BRINP3: variants seen among roughly 807,000 people sequenced by gnomAD.
BRINP3 encodes BMP/retinoic acid-inducible neural-specific protein 3.
BRINP3 carries 19 observed loss-of-function variants against 71.0 expected under a neutral mutation model. The ratio of observed to expected loss-of-function variants is 0.27; its 90% CI spans 0.19 to 0.39. The LOEUF is 0.39. Among genes scored for constraint, BRINP3 ranks in the 10% least tolerant of loss-of-function variants. The pLI is 1.00. For synonymous variants in BRINP3, 380 were observed against 337.7 expected, an observed-to-expected ratio of 1.13 and a Z score of -1.37; for missense variants, 959 against 940.8, an observed-to-expected ratio of 1.02 and a Z score of -0.25.
At chr1:190,376,289 A>G (rs1670177941) in intron 2 of BRINP3, among the ~76,000 whole-genome samples, 1 of 152,034 alleles carries the variant, frequency 6.6e-6, no homozygotes, top group Non-Finnish European at 1.5e-5. Flanking sequence ...TAGAAATTGC[A>G]TCATATCTAG....
At chr1:190,118,819 T>G (rs1189732086) in intron 7 of BRINP3, among the ~76,000 whole-genome samples, 4 of 152,172 alleles carry the variant, frequency 2.6e-5, no homozygotes, top group Admixed American at 2.0e-4. Context: ...GGAAAAAGAC[T>G]TTTTGTTTTT....
intron 6 of BRINP3, among the ~76,000 whole-genome samples, chr1:190,214,518 C>T (rs1472064840): frequency 6.6e-6 from 1 of 151,962 alleles, no homozygotes; most frequent in Non-Finnish European, 1.5e-5. Flanking sequence ...TTCAGGTTTT[C>T]TTTCAGGGAA....
chr1:190,127,445 A>G (rs1034175762), intron 7 of BRINP3, among the ~76,000 whole-genome samples: 1 of 151,906 alleles, frequency 6.6e-6, no homozygotes, highest in Non-Finnish European at 1.5e-5. Context: ...ATTTAATCAA[A>G]TGTCAGTTCT....
At chr1:190,284,981 C>A (rs1663311968) in intron 2 of BRINP3, among the ~76,000 whole-genome samples, 1 of 151,958 alleles carries the variant, frequency 6.6e-6, no homozygotes, top group African/African-American at 2.4e-5. Context: ...AATACTACAC[C>A]ATTTTGTATA....
chr1:190,234,223 G>T (rs1658295608), intron 5 of BRINP3, 149 bp downstream of exon 5: 2 of 467,838 alleles, frequency 4.3e-6, no homozygotes, highest in East Asian at 3.3e-5. Flanking sequence ...ATATTTTCTT[G>T]TATCAGTTAA....
chr1:190,231,881 A>G (rs533087327), intron 5 of BRINP3, among the ~76,000 whole-genome samples: 19 of 152,012 alleles, frequency 1.2e-4, no homozygotes, highest in African/African-American at 3.9e-4. Flanking sequence ...GACTTCAACA[A>G]TTACTGGTGC....
intron 7 of BRINP3, among the ~76,000 whole-genome samples, chr1:190,147,442 G>C (rs1162272212): frequency 6.6e-6 from 1 of 152,016 alleles, no homozygotes; most frequent in Non-Finnish European, 1.5e-5. Flanking sequence ...TTCAGAACTA[G>C]AGTTTATAAT....
rs558783532 is a variant in BRINP3 at position 190,432,462 on chromosome 1, C to T, written c.236+22193G>A. Among the ~76,000 whole-genome samples the T allele has an allele frequency of 2.6e-5, 4 of 152,228 alleles. No homozygotes were observed. The East Asian group carries it at 7.7e-4, about 29-fold the overall frequency. On this transcript the variant is annotated intron_variant, in intron 2 of 7. Transcript: ENST00000367462. ...ATATCACACAATACAAAAGTGAAAT[C>T]CATGATTTTAAATTATTAAGCTTTA... is the stretch of plus-strand genomic sequence containing the variant.
At chr1:190,233,099 T>C (rs1367051752) in intron 5 of BRINP3, among the ~76,000 whole-genome samples, 1 of 152,044 alleles carries the variant, frequency 6.6e-6, no homozygotes, top group Admixed American at 6.6e-5. Context: ...TGTTATTACA[T>C]TTTTCTTTTA....
chr1:190,163,566 G>A (rs1651211117), intron 6 of BRINP3, among the ~76,000 whole-genome samples: 1 of 151,892 alleles, frequency 6.6e-6, no homozygotes, highest in South Asian at 2.1e-4. Flanking sequence ...GGAATTTATA[G>A]TCAGTCACAG....
At chr1:190,173,476 T>C (rs1652210838) in intron 6 of BRINP3, among the ~76,000 whole-genome samples, 2 of 152,168 alleles carry the variant, frequency 1.3e-5, no homozygotes, top group South Asian at 4.1e-4. Flanking sequence ...GATACATTGG[T>C]CTTCATCTCC....
chr1:190,476,242 C>T (rs1035205624), intron 1 of BRINP3, among the ~76,000 whole-genome samples: 4 of 92,560 alleles, frequency 4.3e-5, no homozygotes, highest in Non-Finnish European at 6.9e-5. Flanking sequence ...ATAGTTATTT[C>T]CCAGAAATTA....
chr1:190,394,186 T>C (rs1558246825), intron 2 of BRINP3, among the ~76,000 whole-genome samples: 1 of 151,594 alleles, frequency 6.6e-6, no homozygotes, highest in Non-Finnish European at 1.5e-5. Context: ...TTTTTAAAAG[T>C]GTCAAGCTGT....
chr1:190,342,302 T>A (rs1314121161), intron 2 of BRINP3: 1 of 150,882 alleles, frequency 6.6e-6, no homozygotes. Flanking sequence ...ATATTCACAT[T>A]TTCAAGCATT....
intron 2 of BRINP3, among the ~76,000 whole-genome samples, chr1:190,291,954 T>G (rs1041439028): frequency 6.6e-6 from 1 of 152,170 alleles, no homozygotes; most frequent in Non-Finnish European, 1.5e-5. Flanking sequence ...GGAGTACTTA[T>G]CAGCCATAAT....
chr1:190,322,602 G>C (rs1219280424), intron 2 of BRINP3, among the ~76,000 whole-genome samples: 1 of 151,970 alleles, frequency 6.6e-6, no homozygotes, highest in Admixed American at 6.6e-5. Flanking sequence ...CCGTGAACTT[G>C]AATAAAAAAT....
At position 190,098,170 on chromosome 1, in the gene BRINP3, C is replaced by A; in HGVS notation, c.2149G>T (p.Gly717Cys). The A allele has an allele frequency of 6.2e-7, 1 of 1,614,126 alleles. No individual in the cohort carries two copies. Among genetic ancestry groups the A allele is most frequent in the Non-Finnish European group, 8.5e-7 (1 of 1,180,010 alleles). The change falls in exon 8 of 8, where the codon GGT becomes TGT. Residue 717 changes from glycine (G) to cysteine (C), a missense_variant. Physicochemically the swap from Gly to Cys is radical, Grantham distance 159. Transcript: ENST00000367462. Reference protein sequence around the residue: ...RDRVNKLSPPGQRRLDLFSCL... With the variant: ...RDRVNKLSPPCQRRLDLFSCL... Reference sequence around the variant, plus strand: ...GAGAAAAGATCTAGACGACGCTGACCAGGTGGGGAGAGTTTATTTACACGG... The same window carrying A: ...GAGAAAAGATCTAGACGACGCTGACAAGGTGGGGAGAGTTTATTTACACGG...
intron 6 of BRINP3, among the ~76,000 whole-genome samples, chr1:190,169,515 T>A (rs2102491054): frequency 6.6e-6 from 1 of 152,298 alleles, no homozygotes; most frequent in East Asian, 1.9e-4. Context: ...TGTCTTTAAA[T>A]AAATTCCTTT....
intron 2 of BRINP3, among the ~76,000 whole-genome samples, chr1:190,449,921 C>T (rs1369659565): frequency 1.3e-5 from 2 of 152,110 alleles, no homozygotes; most frequent in African/African-American, 4.8e-5. Flanking sequence ...AATATTAGTA[C>T]TCGTATATTC....
Sources: gnomAD v4.1 joint callset for allele counts (sites outside exome capture counted in the v4.1 genomes callset) on GRCh38, gnomAD v4.1.1 for gene constraint, MANE v1.5 for transcripts, NCBI Gene and HGNC (gene_info 2026-07-23, HGNC 2026-07-21) for gene names.